Variants in AIMP2 observed in about 807,000 individuals in gnomAD.
AIMP2 encodes aminoacyl tRNA synthetase complex interacting multifunctional protein 2.
A neutral mutation model predicts 23.4 loss-of-function variants in AIMP2; 20 were observed. That is an observed-to-expected ratio of 0.85 (90% CI 0.60 to 1.24). The LOEUF is 1.24. Among genes scored for constraint, AIMP2 ranks in the 50% most tolerant of loss-of-function variants. The probability of loss-of-function intolerance (pLI) is 0.00; values close to 1 mark genes in which losing one functional copy is unlikely to be tolerated. For synonymous variants in AIMP2, 210 were observed against 170.4 expected (o/e 1.23, Z -1.81); for missense variants, 515 against 414.5 (o/e 1.24, Z -2.10).
chr7:6,012,308 C>T (rs1244016191), intron 1 of AIMP2, among the ~76,000 whole-genome samples: 1 of 150,018 alleles, frequency 6.7e-6, no homozygotes, highest in Non-Finnish European at 1.5e-5. Context: ...ATGAAAGCAA[C>T]ATGAAGAATA....
At chr7:6,015,913 A>T (rs1412625891) in intron 2 of AIMP2, among the ~76,000 whole-genome samples, 1 of 152,204 alleles carries the variant, frequency 6.6e-6, no homozygotes, top group Non-Finnish European at 1.5e-5. Context: ...ATCTGTAGGT[A>T]GAGAAGGAGT....
chr7:6,017,966 T>C lies in AIMP2; in HGVS notation c.495T>C (p.Leu165=). Reference sequence around the variant, plus strand: ...CGGTCAAGAGCGTGCCTGAAAACCTTCTCAAGTGCTTTGGAGAACAGAATA... The same window carrying C: ...CGGTCAAGAGCGTGCCTGAAAACCTCCTCAAGTGCTTTGGAGAACAGAATA... ...HSSVKSVPEN[L]LKCFGEQNKK... Residue 165 remains leucine, a synonymous_variant, in exon 3 of 4, where the codon CTT becomes CTC. Coordinates refer to ENST00000223029, the MANE Select transcript of AIMP2 (RefSeq NM_006303.4). 2 of 1,613,896 alleles carry C rather than the reference T, an allele frequency of 1.2e-6. No individual in the cohort carries two copies. The highest frequency in any genetic ancestry group is 1.7e-6 in the Non-Finnish European group (2 of 1,179,982).
chr7:6,015,360 C>T lies in AIMP2; in HGVS notation c.342+8C>T, dbSNP rs181812380. 9.1e-5 allele frequency: 147 copies of T among 1,613,808 alleles called. No individual in the cohort carries two copies. Among genetic ancestry groups the T allele is most frequent in the East Asian group, 8.9e-5 (4 of 44,870 alleles). On this transcript the variant is annotated splice_region_variant and intron_variant, in intron 2 of 3. Coordinates refer to ENST00000223029, the MANE Select transcript of AIMP2 (RefSeq NM_006303.4). ...AATTCAGTGCTTGGGAAGGTAGGTT[C>T]GTTTTGAAAGCTGAAACGTTAGTAG...
chr7:6,015,227 G>A lies in AIMP2; in HGVS notation c.217G>A (p.Val73Ile), dbSNP rs1380000980. 6.2e-7 allele frequency: 1 copy of A among 1,614,198 alleles called. No homozygotes were observed. Among genetic ancestry groups the A allele is most frequent in the South Asian group, 1.1e-5 (1 of 91,092 alleles). ...LKRLYELKAA[V>I]DGLSKMIQTP... ...ACGTCTGTATGAGTTGAAAGCTGCA[G>A]TTGATGGCCTCTCCAAGATGATTCA... The change falls in exon 2 of 4, where the codon GTT becomes ATT. Residue 73 changes from valine (V) to isoleucine (I), a missense_variant. By Grantham distance (29) the Val-to-Ile change is conservative. Transcript: ENST00000223029.
At chr7:6,018,676 A>G (rs1358292452) in intron 3 of AIMP2, among the ~76,000 whole-genome samples, 1 of 151,702 alleles carries the variant, frequency 6.6e-6, no homozygotes. Context: ...TCTACTAAAA[A>G]TACAAAACTT....
chr7:6,009,970 A>ATATACATATATATATATAT (rs1170519704), intron 1 of AIMP2, among the ~76,000 whole-genome samples: 1 of 34,618 alleles, frequency 2.9e-5, no homozygotes, highest in African/African-American at 1.0e-4. Context: ...AAAAAAAAAA[A>ATATACATATATATATATAT]AAAAATATAT....
At chr7:6,023,116 T>C in intron 3 of AIMP2, 187 bp from the exon 4 acceptor site, 1 of 647,280 alleles carries the variant, frequency 1.5e-6, no homozygotes, top group Non-Finnish European at 2.5e-6. Flanking sequence ...TTTAACATAG[T>C]TTGCACTTAA....
In AIMP2 at chr7:6,023,643, T is replaced by C. The variant is rs1226241947; in HGVS notation, c.915T>C (p.Ser305=). 6.2e-7 allele frequency: 1 copy of C among 1,614,154 alleles called. No individual in the cohort carries two copies. The highest frequency in any genetic ancestry group is 8.5e-7 in the Non-Finnish European group (1 of 1,180,040). The change falls in exon 4 of 4, where the codon TCT becomes TCC. Residue 305 remains serine (S), a synonymous_variant. Coordinates refer to ENST00000223029, the MANE Select transcript of AIMP2 (RefSeq NM_006303.4). ...VPANVQRWMR[S]CENLAPFNTA... ...CCAATGTGCAGAGGTGGATGAGGTC[T>C]TGTGAAAACCTGGCTCCTTTTAACA...
At chr7:6,009,560 C>A in intron 1 of AIMP2, 62 bp downstream of exon 1, 1 of 1,349,622 alleles carries the variant, frequency 7.4e-7, no homozygotes. Context: ...GGCCCGGGTC[C>A]CCCCAGGCCG....
chr7:6,013,903 A>T (rs1206521361), intron 1 of AIMP2, among the ~76,000 whole-genome samples: 1 of 150,488 alleles, frequency 6.6e-6, no homozygotes, highest in Non-Finnish European at 1.5e-5. Context: ...GTGGGCCATG[A>T]TCACACCCCT....
chr7:6,018,140 CTTTTTCTT>C lies in AIMP2; in HGVS notation c.574+101_574+108del, dbSNP rs1379034402. 22 of 703,058 alleles carry C rather than the reference CTTTTTCTT, an allele frequency of 3.1e-5. No homozygotes were observed. In the East Asian group the frequency reaches 4.1e-4, roughly 13 times the overall value. 43.6% of individuals were successfully genotyped at this position (703,058 alleles called of 1,614,324 possible). ...AGTCCATTTACATGTGGATTTTTTT[CTTTTTCTT>C]TTTTTTTTTTTTTTTTGAGACAGAG... On this transcript the variant is annotated intron_variant, in intron 3 of 3. Coordinates refer to ENST00000223029, the MANE Select transcript of AIMP2 (RefSeq NM_006303.4).
At chr7:6,012,154 G>C (rs1487130654) in intron 1 of AIMP2, among the ~76,000 whole-genome samples, 1 of 151,916 alleles carries the variant, frequency 6.6e-6, no homozygotes, top group Non-Finnish European at 1.5e-5. Context: ...TCAGGAGGCT[G>C]AGGTGGGAGG....
At chr7:6,019,620 G>C (rs1179038044) in intron 3 of AIMP2, among the ~76,000 whole-genome samples, 1 of 152,116 alleles carries the variant, frequency 6.6e-6, no homozygotes, top group Admixed American at 6.6e-5. Context: ...CCAAGAAGCA[G>C]AGAAAAGTCA....
chr7:6,009,839 C>G (rs1786434852), intron 1 of AIMP2, among the ~76,000 whole-genome samples: 1 of 147,372 alleles, frequency 6.8e-6, no homozygotes, highest in Admixed American at 6.9e-5. Context: ...ATCCCAGCTA[C>G]TCGGGAGGCT....
At chr7:6,012,594 G>T (rs917272359) in intron 1 of AIMP2, 6 of 222,400 alleles carry the variant, frequency 2.7e-5, no homozygotes, top group Non-Finnish European at 5.9e-5. Context: ...GTCTCACTCT[G>T]TCACCCAGTC....
rs758084970 is a variant in AIMP2, at chr7:6,009,512, G to GCC, written c.135+19_135+20dup. On this transcript the variant is annotated intron_variant, in intron 1 of 3. Coordinates refer to ENST00000223029, the MANE Select transcript of AIMP2 (RefSeq NM_006303.4). ...GGCCACGTGCAGGTAGGAGCGCGGG[G>GCC]CCCCCCGCCCAGTGCGCACGCGCGG... 9.5e-6 allele frequency: 14 copies of GCC among 1,474,306 alleles called. No homozygotes were observed. The Admixed American group carries it at 1.4e-4, about 15-fold the overall frequency. The allele number at this position is 1,474,306 out of a possible 1,614,324, so 91.3% of individuals were successfully genotyped here. A position where few individuals can be genotyped will look rare whatever the true frequency, so the allele number is the denominator to read the frequency against.
At position 6,018,000 on chromosome 7, in the gene AIMP2, C is replaced by T. The variant is rs1205639853; in HGVS notation, c.529C>T (p.Pro177Ser). The T allele has an allele frequency of 8.7e-6, 14 of 1,613,902 alleles. No homozygotes were observed. The highest frequency in any genetic ancestry group is 1.2e-5 in the Non-Finnish European group (14 of 1,180,014). The change falls in exon 3 of 4, where the codon CCC becomes TCC. Residue 177 changes from proline to serine, a missense_variant. Physicochemically the swap from Pro to Ser is moderately conservative, Grantham distance 74. Coordinates refer to ENST00000223029, the MANE Select transcript of AIMP2 (RefSeq NM_006303.4). ...KCFGEQNKKQPRQDYQLGFTL... is the reference protein window; with the variant it reads ...KCFGEQNKKQSRQDYQLGFTL... ...CTTTGGAGAACAGAATAAAAAACAG[C>T]CCCGCCAAGACTATCAGCTGGGATT...
intron 3 of AIMP2, chr7:6,022,500 T>C (rs1336107071): frequency 6.6e-6 from 1 of 152,164 alleles, no homozygotes; most frequent in Non-Finnish European, 1.5e-5. Flanking sequence ...ATGGTTTTGA[T>C]AAGAGGCAGC....
intron 1 of AIMP2, 30 bp from the exon 2 acceptor site, chr7:6,015,116 A>G: frequency 1.2e-6 from 2 of 1,613,786 alleles, no homozygotes; most frequent in Non-Finnish European, 1.7e-6. Context: ...ATGGGAGAGG[A>G]AATGAACATT....
Sources: allele counts gnomAD v4.1 joint callset (sites outside exome capture counted in the v4.1 genomes callset), GRCh38; gene constraint gnomAD v4.1.1; transcripts MANE v1.5; gene names NCBI Gene and HGNC (gene_info 2026-07-23, HGNC 2026-07-21).